The following PCDHGA1 variants were observed in gnomAD, a reference collection of about 807,000 sequenced individuals.
PCDHGA1 encodes the protein protocadherin gamma subfamily A, 1.
PCDHGA1 carries 32 observed loss-of-function variants against 58.0 expected under a neutral mutation model. The observed-to-expected ratio is 0.55, with a 90% CI of 0.42 to 0.74. PCDHGA1 has a LOEUF of 0.74. Among genes scored for constraint, PCDHGA1 ranks in the 30% least tolerant of loss-of-function variants. The probability of loss-of-function intolerance (pLI) is 0.00; values close to 1 mark genes in which losing one functional copy is unlikely to be tolerated. For missense variants in PCDHGA1, 1,205 were observed against 1,182.3 expected, an observed-to-expected ratio of 1.02 and a Z score of -0.28; for synonymous variants, 498 against 501.1, an observed-to-expected ratio of 0.99 and a Z score of 0.08.
intron 1 of PCDHGA1, chr5:141,361,939 G>A: frequency 1.2e-6 from 2 of 1,605,654 alleles, no homozygotes; most frequent in African/African-American, 2.7e-5. Flanking sequence ...AGGACACAAC[G>A]CTTGGCTGTC....
At chr5:141,372,522 G>T in intron 1 of PCDHGA1, 1 of 1,613,986 alleles carries the variant, frequency 6.2e-7, no homozygotes, top group Non-Finnish European at 8.5e-7. Context: ...GGTGATTCTG[G>T]CAATCTCCCT....
At chr5:141,382,828 G>T (rs986779175) in intron 1 of PCDHGA1, 1 of 1,372,334 alleles carries the variant, frequency 7.3e-7, no homozygotes. Context: ...AGACAGAGGG[G>T]TCCACCCGGA....
intron 1 of PCDHGA1, among the ~76,000 whole-genome samples, chr5:141,363,780 TTTATC>T (rs1312673408): frequency 6.6e-6 from 1 of 152,228 alleles, no homozygotes; most frequent in Non-Finnish European, 1.5e-5. Flanking sequence ...TTTTCCTAAA[TTTATC>T]CTAATAAGGA....
chr5:141,356,783 T>C, intron 1 of PCDHGA1: 1 of 1,613,990 alleles, frequency 6.2e-7, no homozygotes, highest in Non-Finnish European at 8.5e-7. Context: ...TTTAGAGACC[T>C]GCAGCTGCTG....
At chr5:141,333,902 C>G (rs1217212033) in intron 1 of PCDHGA1, 1 of 152,110 alleles carries the variant, frequency 6.6e-6, no homozygotes, top group African/African-American at 2.4e-5. Flanking sequence ...ATGAACAACA[C>G]AAAATTTATC....
Position 141,490,693 on chromosome 5 carries a change from G to A in PCDHGA1, c.2422-4114G>A. On this transcript the variant is annotated intron_variant, in intron 1 of 3. Coordinates refer to ENST00000517417, the MANE Select transcript of PCDHGA1 (RefSeq NM_018912.3). This position sits in a 1 kb window ranked among gnomAD's most constrained non-coding sequence, Gnocchi z 5.4. ...GGCTGCCTCAGATCCAGACACTGGGGATAATGCCCGCCTCACCTACTCCAT... is the reference window on the plus strand; with the variant it reads ...GGCTGCCTCAGATCCAGACACTGGGAATAATGCCCGCCTCACCTACTCCAT... 1.9e-6 allele frequency: 3 copies of A among 1,614,170 alleles called. No homozygotes were observed. Among genetic ancestry groups the A allele is most frequent in the Non-Finnish European group, 2.5e-6 (3 of 1,180,018 alleles).
At chr5:141,409,398 A>C in intron 1 of PCDHGA1, 1 of 1,614,050 alleles carries the variant, frequency 6.2e-7, no homozygotes, top group Non-Finnish European at 8.5e-7. Flanking sequence ...TCTTCTTCCA[A>C]TAACTACTAC....
In PCDHGA1 at chr5:141,361,092, C is replaced by G. The variant is rs377144808; in HGVS notation, c.2421+27987C>G. The G allele has an allele frequency of 5.0e-5, 81 of 1,613,938 alleles. 2 individuals carry two copies. In the African/African-American group the frequency reaches 7.2e-4, roughly 14 times the overall value. On this transcript the variant is annotated intron_variant, in intron 1 of 3. Transcript: ENST00000517417. Reference sequence around the variant, plus strand: ...TTGCAAGTAGTTACACTCTGAGTATCGAAGCAAAAGATCCTGGAGATCTAG... The same window carrying G: ...TTGCAAGTAGTTACACTCTGAGTATGGAAGCAAAAGATCCTGGAGATCTAG...
At position 141,512,346 on chromosome 5, in the gene PCDHGA1, G is replaced by A. The variant is rs1391003897; in HGVS notation, c.*1173G>A. ...CAGGCCATTCTTAGTCCCTGGGTTG[G>A]GGAGGCAGGGAGCTAGGGCAGGGAC... On this transcript the variant is annotated 3_prime_UTR_variant, in exon 4 of 4. Transcript: ENST00000517417. 6.5e-6 allele frequency: 1 copy of A among 152,876 alleles called. No individual in the cohort carries two copies. Among genetic ancestry groups the A allele is most frequent in the Non-Finnish European group, 1.5e-5 (1 of 68,232 alleles). 9.5% of individuals were successfully genotyped at this position (152,876 alleles called of 1,614,324 possible). A position where few individuals can be genotyped will look rare whatever the true frequency, so the allele number is the denominator to read the frequency against.
intron 1 of PCDHGA1, chr5:141,340,227 A>G: frequency 6.2e-7 from 1 of 1,614,178 alleles, no homozygotes; most frequent in Non-Finnish European, 8.5e-7. Context: ...TCCTTTTACA[A>G]CATCACTCTA....
intron 1 of PCDHGA1, chr5:141,398,671 A>G (rs759202675): frequency 1.2e-6 from 2 of 1,614,018 alleles, no homozygotes; most frequent in Non-Finnish European, 1.7e-6. Context: ...CTCATTAATA[A>G]TTAAGGAGAA....
chr5:141,432,725 G>A lies in PCDHGA1; in HGVS notation c.2422-62082G>A, dbSNP rs755759587. The A allele has an allele frequency of 7.4e-6, 12 of 1,613,896 alleles. No individual in the cohort carries two copies. Among genetic ancestry groups the A allele is most frequent in the African/African-American group, 1.3e-5 (1 of 74,932 alleles). On this transcript the variant is annotated intron_variant, in intron 1 of 3. Transcript: ENST00000517417. This position sits in a 1 kb window ranked among gnomAD's most constrained non-coding sequence, Gnocchi z 6.0. ...GGACCACGGCCAGCCCCCTCTCTCC[G>A]CCACTGTCACGCTCACCGTGGCCGT...
At chr5:141,388,529 G>A in intron 1 of PCDHGA1, 1 of 1,613,814 alleles carries the variant, frequency 6.2e-7, no homozygotes, top group South Asian at 1.1e-5. Context: ...TGACTGCCTT[G>A]GACTTTGGAG....
chr5:141,389,935 C>G (rs1212194328), intron 1 of PCDHGA1: 1 of 1,613,966 alleles, frequency 6.2e-7, no homozygotes, highest in Non-Finnish European at 8.5e-7. Flanking sequence ...GACCTCCAGG[C>G]TGAGCTGCAG....
Position 141,487,252 on chromosome 5 carries a change from G to T in PCDHGA1, c.2422-7555G>T. ...GAGAATCTCGTCTAACCCTCTACTT[G>T]GCTGTGTCCCTAGTGGCAATTTGCT... On this transcript the variant is annotated intron_variant, in intron 1 of 3. Transcript: ENST00000517417. The surrounding 1 kb of genome is among the most constrained non-coding windows in gnomAD (Gnocchi z 5.0). 1 of 1,614,110 alleles carries T rather than the reference G, an allele frequency of 6.2e-7. No homozygotes were observed. The highest frequency in any genetic ancestry group is 8.5e-7 in the Non-Finnish European group (1 of 1,180,014).
chr5:141,340,305 T>C (rs199560944), intron 1 of PCDHGA1: 39 of 1,614,132 alleles, frequency 2.4e-5, no homozygotes, highest in South Asian at 2.0e-4. Context: ...GTGGCAGACA[T>C]CAACGACAAC....
chr5:141,384,822 C>T (rs149266522), intron 1 of PCDHGA1: 80 of 1,613,436 alleles, frequency 5.0e-5, no homozygotes, highest in Admixed American at 3.2e-4. Flanking sequence ...TCAAGCAGAG[C>T]CTCGTGGTGG....
chr5:141,492,833 C>T (rs951935267), intron 1 of PCDHGA1, among the ~76,000 whole-genome samples: 2 of 152,222 alleles, frequency 1.3e-5, no homozygotes, highest in African/African-American at 4.8e-5. Flanking sequence ...CCCTTCCTCC[C>T]GCAGGAAGTG....
chr5:141,345,961 T>A (rs1253833564), intron 1 of PCDHGA1: 2 of 1,613,460 alleles, frequency 1.2e-6, no homozygotes, highest in Non-Finnish European at 1.7e-6. Flanking sequence ...CAGAGCCTCG[T>A]GGTGGCCGTC....
Sources: gnomAD v4.1 joint callset for allele counts (sites outside exome capture counted in the v4.1 genomes callset) on GRCh38, gnomAD v4.1.1 for gene constraint, Gnocchi (gnomAD v3.1) non-coding constraint, MANE v1.5 for transcripts, NCBI Gene and HGNC (gene_info 2026-07-23, HGNC 2026-07-21) for gene names.